The following FBXL17 variants were observed in gnomAD, a reference collection of about 807,000 sequenced individuals.
FBXL17 encodes the protein F-box/LRR-repeat protein 17.
FBXL17 carries 22 observed loss-of-function variants against 66.2 expected under a neutral mutation model. The observed-to-expected ratio is 0.33, with a 90% CI of 0.24 to 0.47. The LOEUF (loss-of-function observed/expected upper bound fraction) is 0.47, where lower values mean the gene tolerates loss of function less well. Among genes scored for constraint, FBXL17 ranks in the 20% least tolerant of loss-of-function variants. FBXL17 has a pLI of 1.00. For missense variants in FBXL17, 878 were observed against 948.2 expected (o/e 0.93, Z 0.97); for synonymous variants, 474 against 400.5 (o/e 1.18, Z -2.19).
At chr5:108,272,240 G>A (rs1035671100) in intron 4 of FBXL17, among the ~76,000 whole-genome samples, 2 of 151,822 alleles carry the variant, frequency 1.3e-5, no homozygotes, top group African/African-American at 2.4e-5. Context: ...GCAGTGACCC[G>A]AGATCGCGCC....
chr5:108,269,604 C>G (rs936188746), intron 4 of FBXL17, among the ~76,000 whole-genome samples: 1 of 151,976 alleles, frequency 6.6e-6, no homozygotes, highest in African/African-American at 2.4e-5. Context: ...CTGGAGAAAT[C>G]TGAAGGCAAG....
chr5:107,878,957 G>A (rs1189162088), intron 8 of FBXL17: 1 of 985,324 alleles, frequency 1.0e-6, no homozygotes. Flanking sequence ...AGGATTCAGA[G>A]GCAGCCCAGG....
At chr5:108,079,385 A>G (rs1314887493) in intron 6 of FBXL17, among the ~76,000 whole-genome samples, 1 of 152,092 alleles carries the variant, frequency 6.6e-6, no homozygotes, top group Non-Finnish European at 1.5e-5. Flanking sequence ...AATTTTTGAC[A>G]TATTTCTGAA....
intron 6 of FBXL17, among the ~76,000 whole-genome samples, chr5:108,114,726 T>C (rs1750174519): frequency 6.6e-6 from 1 of 152,170 alleles, no homozygotes; most frequent in Non-Finnish European, 1.5e-5. Context: ...TAAAGAGAAT[T>C]AGAGATAGGC....
intron 4 of FBXL17, among the ~76,000 whole-genome samples, chr5:108,262,083 TTTA>T (rs1336412032): frequency 1.4e-4 from 15 of 106,756 alleles, no homozygotes; most frequent in African/African-American, 4.0e-4. Flanking sequence ...TATTTATTTA[TTTA>T]TTTTTTTTGA....
intron 7 of FBXL17, among the ~76,000 whole-genome samples, chr5:107,903,692 G>T (rs1263688508): frequency 6.6e-6 from 1 of 151,868 alleles, no homozygotes; most frequent in East Asian, 1.9e-4. Flanking sequence ...AAAAGGTAAA[G>T]ATAGGTCTTT....
At chr5:108,168,412 C>T (rs930226964) in intron 6 of FBXL17, among the ~76,000 whole-genome samples, 1 of 152,152 alleles carries the variant, frequency 6.6e-6, no homozygotes, top group African/African-American at 2.4e-5. Flanking sequence ...GACTGCAGCT[C>T]ATTACTGATG....
intron 5 of FBXL17, among the ~76,000 whole-genome samples, chr5:108,201,082 A>G (rs541276237): frequency 6.6e-6 from 1 of 152,328 alleles, no homozygotes; most frequent in South Asian, 2.1e-4. Context: ...CTAACGATTA[A>G]TAACAGGGAA....
intron 6 of FBXL17, among the ~76,000 whole-genome samples, chr5:108,152,890 CA>C (rs756737382): frequency 1.1e-3 from 174 of 152,254 alleles, no homozygotes; most frequent in Non-Finnish European, 1.7e-3. Flanking sequence ...TGTCACCACC[CA>C]AATCTAGAAT....
rs1748051549 is a variant in FBXL17 at position 107,859,149 on chromosome 5, C to T, written c.*2571G>A. 1 of 152,070 alleles carries T rather than the reference C, an allele frequency of 6.6e-6. No individual in the cohort carries two copies. The highest frequency in any genetic ancestry group is 6.6e-5 in the Admixed American group (1 of 15,258). 9.4% of individuals were successfully genotyped at this position (152,070 alleles called of 1,614,324 possible). A position where few individuals can be genotyped will look rare whatever the true frequency, so the allele number is the denominator to read the frequency against. On this transcript the variant is annotated 3_prime_UTR_variant, in exon 9 of 9. Transcript: ENST00000542267. ...TCAAAAAGACATTAAAGACAAAGGA[C>T]CAGAATTTTCCACTACAGCAATATA...
intron 7 of FBXL17, among the ~76,000 whole-genome samples, chr5:108,001,489 AG>A (rs1753726054): frequency 6.6e-6 from 1 of 152,088 alleles, no homozygotes; most frequent in African/African-American, 2.4e-5. Flanking sequence ...AAGGAAAATT[AG>A]TTTTTTTTTG....
In FBXL17 at chr5:107,968,265, G is replaced by C. The variant is rs185390394; in HGVS notation, c.1822+52660C>G. Among the ~76,000 whole-genome samples the C allele has an allele frequency of 7.3e-4, 111 of 152,172 alleles. 1 individual carries two copies. Among genetic ancestry groups the C allele is most frequent in the African/African-American group, 2.5e-3 (103 of 41,526 alleles). ...TAATATGACACAGCTATAAGTGATA[G>C]AGCTAGGATTTGAACACAGATCCAG... is the stretch of plus-strand genomic sequence containing the variant. On this transcript the variant is annotated intron_variant, in intron 7 of 8. Coordinates refer to ENST00000542267, the MANE Select transcript of FBXL17 (RefSeq NM_001163315.3).
chr5:108,352,045 G>GAGA lies in FBXL17; in HGVS notation c.1375-3518_1375-3516dup, dbSNP rs545301489. 5.3e-5 allele frequency among the ~76,000 whole-genome samples: 8 copies of GAGA among 152,380 alleles called. No individual in the cohort carries two copies. The South Asian group carries it at 1.7e-3, about 32-fold the overall frequency. ...GCCACGTGGATAACCACACAAAGAT[G>GAGA]AGAACCATGTGGATGGCATATGCAG... On this transcript the variant is annotated intron_variant, in intron 3 of 8. Transcript: ENST00000542267.
At chr5:108,086,704 G>A (rs899896846) in intron 6 of FBXL17, among the ~76,000 whole-genome samples, 9 of 151,976 alleles carry the variant, frequency 5.9e-5, no homozygotes, top group Admixed American at 1.3e-4. Context: ...GATTACAGGC[G>A]CATATGCCAC....
intron 7 of FBXL17, among the ~76,000 whole-genome samples, chr5:107,902,626 T>A (rs962369172): frequency 6.6e-6 from 1 of 152,158 alleles, no homozygotes; most frequent in African/African-American, 2.4e-5. Flanking sequence ...GAGGCTGTTC[T>A]CCTCCTTCTG....
chr5:108,047,566 A>G (rs1469264626), intron 6 of FBXL17, among the ~76,000 whole-genome samples: 1 of 152,178 alleles, frequency 6.6e-6, no homozygotes, highest in Non-Finnish European at 1.5e-5. Context: ...GAAGGATGGC[A>G]TCCATCTCTG....
At chr5:108,305,195 T>C (rs770231129) in intron 4 of FBXL17, among the ~76,000 whole-genome samples, 22 of 152,018 alleles carry the variant, frequency 1.4e-4, no homozygotes, top group Admixed American at 3.3e-4. Context: ...TAGAGTTGGT[T>C]AGTAAGGACA....
intron 4 of FBXL17, among the ~76,000 whole-genome samples, chr5:108,329,432 G>C (rs74811262): frequency 6.6e-6 from 1 of 152,054 alleles, no homozygotes; most frequent in African/African-American, 2.4e-5. Context: ...TTAAGACCAG[G>C]GGGAATACTT....
Position 108,192,498 on chromosome 5 carries a change from A to G in FBXL17, c.1615-6251T>C, listed in dbSNP as rs552257582. Among the ~76,000 whole-genome samples, 4 of 152,318 alleles carry G rather than the reference A, an allele frequency of 2.6e-5. No individual in the cohort carries two copies. In the South Asian group the frequency reaches 8.3e-4, roughly 32 times the overall value. On this transcript the variant is annotated intron_variant, in intron 5 of 8. Transcript: ENST00000542267. ...TAGTCAATGATTGGTATGGCCATGTATGTACTTAAATATAAAATGAGACAC... is the reference window on the plus strand; with the variant it reads ...TAGTCAATGATTGGTATGGCCATGTGTGTACTTAAATATAAAATGAGACAC...
Sources: gnomAD v4.1 joint callset for allele counts (sites outside exome capture counted in the v4.1 genomes callset) on GRCh38, gnomAD v4.1.1 for gene constraint, MANE v1.5 for transcripts, NCBI Gene and HGNC (gene_info 2026-07-23, HGNC 2026-07-21) for gene names.